Variants in PAX5 observed in about 807,000 individuals in gnomAD.
The protein encoded by PAX5 is paired box 5, also known as paired box protein Pax-5.
Under a neutral mutation model 43.7 loss-of-function variants are expected in PAX5, and 9 were observed. The ratio of observed to expected loss-of-function variants is 0.21; its 90% CI spans 0.12 to 0.36. The LOEUF is 0.36. PAX5 is among the 10% of genes least tolerant of loss of function. The pLI is 1.00. For missense variants in PAX5, 383 were observed against 532.7 expected, an observed-to-expected ratio of 0.72 and a Z score of 2.77; for synonymous variants, 228 against 214.3, an observed-to-expected ratio of 1.06 and a Z score of -0.56.
intron 8 of PAX5, among the ~76,000 whole-genome samples, chr9:36,866,293 C>A (rs1016540247): frequency 6.6e-6 from 1 of 152,166 alleles, no homozygotes; most frequent in African/African-American, 2.4e-5. Context: ...GTCACAGCTT[C>A]CAGAGGGAAA....
intron 8 of PAX5, among the ~76,000 whole-genome samples, chr9:36,866,661 C>T (rs1488706001): frequency 1.3e-5 from 2 of 152,080 alleles, no homozygotes; most frequent in Non-Finnish European, 2.9e-5. Flanking sequence ...TTTTTTATTG[C>T]TTCGGTGAGG....
chr9:37,006,840 C>T (rs941393481), intron 3 of PAX5, among the ~76,000 whole-genome samples: 7 of 152,186 alleles, frequency 4.6e-5, no homozygotes, highest in Admixed American at 2.6e-4. Context: ...GTTAACATTA[C>T]GAGTAAGCAT....
In PAX5 at chr9:36,837,558, C is replaced by A. The variant is rs1341594480; in HGVS notation, c.*3002G>T. On this transcript the variant is annotated 3_prime_UTR_variant, in exon 10 of 10. Transcript: ENST00000358127. The stretch of plus-strand genomic sequence containing the variant: ...TCAGAATTCTCTGGCATCTACTCAA[C>A]GGCTTGTGTCCTTTGGAGCCATCCT... 1.7e-5 allele frequency: 4 copies of A among 233,214 alleles called. No homozygotes were observed. The highest frequency in any genetic ancestry group is 2.2e-5 in the African/African-American group (1 of 45,354). 14.4% of individuals were successfully genotyped at this position (233,214 alleles called of 1,614,324 possible).
At chr9:36,973,135 A>AAAGGAAAGAAAAGGAAAGG (rs1564026797) in intron 5 of PAX5, among the ~76,000 whole-genome samples, 2 of 74,758 alleles carry the variant, frequency 2.7e-5, no homozygotes, top group Admixed American at 1.3e-4. Flanking sequence ...GAAAGGAAAG[A>AAAGGAAAGAAAAGGAAAGG]AAAGGAAAGG....
chr9:36,852,225 C>T (rs1357914231), intron 8 of PAX5, among the ~76,000 whole-genome samples: 4 of 152,232 alleles, frequency 2.6e-5, no homozygotes, highest in Non-Finnish European at 5.9e-5. Context: ...GATCCCAGCT[C>T]CTCCCCCTGC....
At position 36,923,457 on chromosome 9, in the gene PAX5, G is replaced by T; in HGVS notation, c.808C>A (p.Leu270Met). The T allele has an allele frequency of 6.2e-7, 1 of 1,611,932 alleles. No individual in the cohort carries two copies. The change falls in exon 7 of 10, where the codon CTG (leucine) becomes ATG (methionine). Residue 270 changes from leucine (L) to methionine (M), a missense_variant. By Grantham distance (15) the Leu-to-Met change is conservative. Transcript: ENST00000358127. Reference sequence around the variant, plus strand: ...TTCATGTCGTCCAGCCCACCAGCCAGCGAGGCCATGGCTGAATACTCTGTG... The same window carrying T: ...TTCATGTCGTCCAGCCCACCAGCCATCGAGGCCATGGCTGAATACTCTGTG... Reference protein sequence around the residue: ...QTTEYSAMASLAGGLDDMKAN... With the variant: ...QTTEYSAMASMAGGLDDMKAN...
intron 7 of PAX5, among the ~76,000 whole-genome samples, chr9:36,885,091 G>T (rs752784635): frequency 1.2e-4 from 19 of 152,216 alleles, no homozygotes; most frequent in Non-Finnish European, 2.6e-4. Flanking sequence ...AAAGGGCCTG[G>T]GTTGTTCCTT....
intron 8 of PAX5, among the ~76,000 whole-genome samples, chr9:36,849,334 T>G (rs1488904390): frequency 1.3e-5 from 2 of 152,220 alleles, no homozygotes; most frequent in African/African-American, 4.8e-5. Flanking sequence ...TCCTGCTTTT[T>G]TTTCTCCATA....
rs540566320 is a variant in PAX5 at position 36,863,375 on chromosome 9, C to T, written c.1013-16446G>A. Among the ~76,000 whole-genome samples, 17 of 152,354 alleles carry T rather than the reference C, an allele frequency of 1.1e-4. No homozygotes were observed. The East Asian group carries it at 1.2e-3, about 10-fold the overall frequency. ...AACTCCTGGTCTCACACGAGCCTCC[C>T]GCCTCGGCCTCCCCGAGTGCTGGGA... On this transcript the variant is annotated intron_variant, in intron 8 of 9. Transcript: ENST00000358127.
chr9:36,834,781 G>A lies in PAX5; in HGVS notation c.*5779C>T, dbSNP rs972804583. On this transcript the variant is annotated 3_prime_UTR_variant, in exon 10 of 10. Coordinates refer to ENST00000358127, the MANE Select transcript of PAX5 (RefSeq NM_016734.3). ...GATGCTTTTGGAGAAGATGAGGGAC[G>A]TGGCCACAGGCATGGTGATTTTGGG... 7 of 231,278 alleles carry A rather than the reference G, an allele frequency of 3.0e-5. No homozygotes were observed. Among genetic ancestry groups the A allele is most frequent in the Admixed American group, 5.7e-5 (1 of 17,650 alleles). 14.3% of individuals were successfully genotyped at this position (231,278 alleles called of 1,614,324 possible).
chr9:36,954,789 C>T (rs1381484339), intron 6 of PAX5, among the ~76,000 whole-genome samples: 2 of 152,150 alleles, frequency 1.3e-5, no homozygotes, highest in African/African-American at 4.8e-5. Context: ...GCTATTATTT[C>T]TTCAAATATT....
intron 8 of PAX5, among the ~76,000 whole-genome samples, chr9:36,868,096 A>T (rs1364930052): frequency 6.6e-6 from 1 of 152,194 alleles, no homozygotes; most frequent in Non-Finnish European, 1.5e-5. Context: ...GAAAAAAATA[A>T]ATAACTCAAA....
chr9:36,869,561 A>T (rs1825219788), intron 8 of PAX5, among the ~76,000 whole-genome samples: 1 of 152,198 alleles, frequency 6.6e-6, no homozygotes, highest in Non-Finnish European at 1.5e-5. Context: ...TACTGTACAG[A>T]GATTCCAAGC....
chr9:36,864,894 C>T (rs916781318), intron 8 of PAX5, among the ~76,000 whole-genome samples: 1 of 152,192 alleles, frequency 6.6e-6, no homozygotes, highest in African/African-American at 2.4e-5. Context: ...CCTGACAGCT[C>T]GCCCACCGAA....
intron 7 of PAX5, among the ~76,000 whole-genome samples, chr9:36,908,180 C>T (rs1160963219): frequency 6.8e-6 from 1 of 145,986 alleles, no homozygotes; most frequent in African/African-American, 2.5e-5. Flanking sequence ...GCCTGGGCCA[C>T]AGGGTAAGAC....
intron 6 of PAX5, among the ~76,000 whole-genome samples, chr9:36,951,877 C>T (rs529122977): frequency 6.6e-6 from 1 of 152,142 alleles, no homozygotes; most frequent in African/African-American, 2.4e-5. Context: ...AATTGTTATC[C>T]TTAATTTGCT....
At position 36,835,401 on chromosome 9, in the gene PAX5, A is replaced by G. The variant is rs990291338; in HGVS notation, c.*5159T>C. 1.1e-4 allele frequency: 26 copies of G among 232,524 alleles called. No individual in the cohort carries two copies. Among genetic ancestry groups the G allele is most frequent in the African/African-American group, 5.5e-4 (25 of 45,412 alleles). The allele number at this position is 232,524 out of a possible 1,614,324, so 14.4% of individuals were successfully genotyped here. On this transcript the variant is annotated 3_prime_UTR_variant, in exon 10 of 10. Transcript: ENST00000358127. ...GAAGCTGTTGCCTCATCAGGGGAGCAGGCAGGCAAGGGGCTCACAGCCTGG... is the reference window on the plus strand; with the variant it reads ...GAAGCTGTTGCCTCATCAGGGGAGCGGGCAGGCAAGGGGCTCACAGCCTGG...
At chr9:36,871,220 G>A (rs1255195780) in intron 8 of PAX5, among the ~76,000 whole-genome samples, 1 of 152,206 alleles carries the variant, frequency 6.6e-6, no homozygotes, top group Non-Finnish European at 1.5e-5. Flanking sequence ...CTGCCACTCC[G>A]TGGGCCCTGT....
At chr9:37,026,439 A>T in intron 1 of PAX5, 1 of 1,082,542 alleles carries the variant, frequency 9.2e-7, no homozygotes, top group Non-Finnish European at 1.3e-6. Flanking sequence ...CAGAGGTCCG[A>T]GATCCTTCCG....
Sources: gnomAD v4.1 joint callset for allele counts (sites outside exome capture counted in the v4.1 genomes callset) on GRCh38, gnomAD v4.1.1 for gene constraint, MANE v1.5 for transcripts, NCBI Gene and HGNC (gene_info 2026-07-23, HGNC 2026-07-21) for gene names.